The following SYT9 variants were observed in gnomAD, a reference collection of about 807,000 sequenced individuals.
SYT9 encodes synaptotagmin-9.
SYT9 carries 22 observed loss-of-function variants against 48.4 expected under a neutral mutation model. That is an observed-to-expected ratio of 0.45 (90% CI 0.32 to 0.65). The LOEUF (loss-of-function observed/expected upper bound fraction) is 0.65, where lower values mean the gene tolerates loss of function less well. Ranked by LOEUF, SYT9 falls within the 30% of genes least tolerant of loss-of-function variation. The pLI, the probability that SYT9 is intolerant of heterozygous loss-of-function variation, is 0.03. For missense variants in SYT9, 577 were observed against 622.0 expected, an observed-to-expected ratio of 0.93 and a Z score of 0.77; for synonymous variants, 265 against 245.0, an observed-to-expected ratio of 1.08 and a Z score of -0.76.
chr11:7,291,374 C>T (rs942825853), intron 1 of SYT9, among the ~76,000 whole-genome samples: 2 of 152,136 alleles, frequency 1.3e-5, no homozygotes, highest in South Asian at 2.1e-4. Context: ...TAAAGGGCAG[C>T]ACATATAAAT....
At chr11:7,297,585 T>C (rs1293376546) in intron 1 of SYT9, among the ~76,000 whole-genome samples, 2 of 152,230 alleles carry the variant, frequency 1.3e-5, no homozygotes, top group African/African-American at 4.8e-5. Context: ...GACTGGCCCC[T>C]CTCTAGGCCT....
At chr11:7,429,515 G>A (rs1306213385) in intron 6 of SYT9, among the ~76,000 whole-genome samples, 1 of 152,158 alleles carries the variant, frequency 6.6e-6, no homozygotes, top group East Asian at 1.9e-4. Flanking sequence ...TGTTACCTCT[G>A]GCCTTTATAA....
intron 3 of SYT9, among the ~76,000 whole-genome samples, chr11:7,396,075 G>A (rs2134067737): frequency 6.6e-6 from 1 of 152,068 alleles, no homozygotes; most frequent in Admixed American, 6.5e-5. Context: ...AACTATTTTA[G>A]TCCCTTTATT....
intron 3 of SYT9, among the ~76,000 whole-genome samples, chr11:7,378,368 T>C (rs1381960938): frequency 2.6e-5 from 4 of 152,090 alleles, no homozygotes; most frequent in Non-Finnish European, 5.9e-5. Context: ...CGATTTAAGC[T>C]AGGAGTGAAA....
At chr11:7,437,974 C>G (rs1847744562) in intron 6 of SYT9, 1 of 152,208 alleles carries the variant, frequency 6.6e-6, no homozygotes, top group Admixed American at 6.5e-5. Context: ...CACACGGACT[C>G]TTTCATTCCT....
intron 6 of SYT9, chr11:7,457,530 T>C (rs1023487144): frequency 6.6e-6 from 1 of 152,224 alleles, no homozygotes; most frequent in Admixed American, 6.5e-5. Context: ...TTCTTCTATC[T>C]TACAACTTGT....
At chr11:7,277,777 G>A (rs547300523) in intron 1 of SYT9, among the ~76,000 whole-genome samples, 1 of 152,264 alleles carries the variant, frequency 6.6e-6, no homozygotes, top group East Asian at 1.9e-4. Context: ...CAACTTGTTG[G>A]AATTCATGCC....
At chr11:7,375,812 G>C (rs1234039332) in intron 3 of SYT9, among the ~76,000 whole-genome samples, 1 of 151,862 alleles carries the variant, frequency 6.6e-6, no homozygotes, top group Non-Finnish European at 1.5e-5. Flanking sequence ...AGGAGTTTTG[G>C]GGCTGAGATG....
At chr11:7,465,712 T>A (rs1226184676) in intron 6 of SYT9, 1 of 158,300 alleles carries the variant, frequency 6.3e-6, no homozygotes, top group Non-Finnish European at 1.4e-5. Context: ...GACAAAGACA[T>A]ATCCGAGAGT....
chr11:7,264,790 C>G (rs575238239), intron 1 of SYT9, among the ~76,000 whole-genome samples: 2 of 152,032 alleles, frequency 1.3e-5, no homozygotes, highest in Admixed American at 1.3e-4. Context: ...GAAGTGTTAT[C>G]GACATGGATA....
At chr11:7,440,369 C>T (rs1199122482) in intron 6 of SYT9, 2 of 152,156 alleles carry the variant, frequency 1.3e-5, no homozygotes, top group Non-Finnish European at 2.9e-5. Flanking sequence ...TGAGGAGGAC[C>T]CCCGCTCACT....
intron 1 of SYT9, among the ~76,000 whole-genome samples, chr11:7,269,615 A>G (rs1302856121): frequency 6.6e-6 from 1 of 152,016 alleles, no homozygotes; most frequent in Non-Finnish European, 1.5e-5. Flanking sequence ...CAGCACTTAC[A>G]TTTACATCCC....
At chr11:7,288,249 T>C (rs1436715674) in intron 1 of SYT9, among the ~76,000 whole-genome samples, 3 of 151,404 alleles carry the variant, frequency 2.0e-5, no homozygotes, top group South Asian at 2.1e-4. Context: ...TACCTGGCTA[T>C]TGTTGGTATT....
intron 3 of SYT9, among the ~76,000 whole-genome samples, chr11:7,315,797 G>A (rs770299269): frequency 1.3e-5 from 2 of 152,200 alleles, no homozygotes; most frequent in East Asian, 1.9e-4. Flanking sequence ...TCTCTTGGGA[G>A]TAAGAGTTTC....
intron 2 of SYT9, among the ~76,000 whole-genome samples, chr11:7,311,343 T>C (rs758186112): frequency 2.6e-5 from 4 of 152,088 alleles, no homozygotes; most frequent in Non-Finnish European, 5.9e-5. Flanking sequence ...AAAACCACTA[T>C]GGTAGATTTA....
At chr11:7,400,049 C>G (rs1384485799) in intron 3 of SYT9, among the ~76,000 whole-genome samples, 2 of 152,284 alleles carry the variant, frequency 1.3e-5, no homozygotes, top group East Asian at 3.9e-4. Context: ...GTACTTACCC[C>G]AAATGTGACT....
At chr11:7,430,163 T>C (rs766659281) in intron 6 of SYT9, among the ~76,000 whole-genome samples, 5 of 152,272 alleles carry the variant, frequency 3.3e-5, no homozygotes, top group Admixed American at 6.5e-5. Context: ...TCTATTTTTA[T>C]GTAAAACTCA....
At chr11:7,432,528 C>A (rs1564901794) in intron 6 of SYT9, among the ~76,000 whole-genome samples, 1 of 98,458 alleles carries the variant, frequency 1.0e-5, no homozygotes. Flanking sequence ...CCCTGGGCAA[C>A]AAGAGTGAGA....
chr11:7,366,045 G>A (rs1286898787), intron 3 of SYT9, among the ~76,000 whole-genome samples: 1 of 152,166 alleles, frequency 6.6e-6, no homozygotes, highest in East Asian at 1.9e-4. Flanking sequence ...ACTGAAATGT[G>A]ACTGTGGCCC....
Sources: gnomAD v4.1 joint callset for allele counts (sites outside exome capture counted in the v4.1 genomes callset) on GRCh38, gnomAD v4.1.1 for gene constraint, MANE v1.5 for transcripts, NCBI Gene and HGNC (gene_info 2026-07-23, HGNC 2026-07-21) for gene names.